The following FRMD6 variants were observed in gnomAD, a reference collection of about 807,000 sequenced individuals.
FRMD6 encodes FERM domain containing 6.
Under a neutral mutation model 73.2 loss-of-function variants are expected in FRMD6, and 37 were observed. That is an observed-to-expected ratio of 0.51 (90% CI 0.39 to 0.66). The LOEUF (loss-of-function observed/expected upper bound fraction) is 0.66. Among genes scored for constraint, FRMD6 ranks in the 30% least tolerant of loss-of-function variants. The pLI, the probability that FRMD6 is intolerant of heterozygous loss-of-function variation, is 0.00. For missense variants in FRMD6, 714 were observed against 780.5 expected, an observed-to-expected ratio of 0.91 and a Z score of 1.02; for synonymous variants, 273 against 282.2, an observed-to-expected ratio of 0.97 and a Z score of 0.33.
chr14:51,401,207 A>G, the FRMD6 span, among the ~76,000 whole-genome samples: 1 of 152,328 alleles, frequency 6.6e-6, no homozygotes, highest in Non-Finnish European at 1.5e-5. Context: ...ATCCTAAAAC[A>G]ATGACTTCAC....
intron 1 of FRMD6, among the ~76,000 whole-genome samples, chr14:51,659,899 A>T (rs1391586069): frequency 6.6e-6 from 1 of 152,218 alleles, no homozygotes; most frequent in Non-Finnish European, 1.5e-5. Flanking sequence ...AGAGTTTGAG[A>T]TTTTAAACCA....
the FRMD6 span, among the ~76,000 whole-genome samples, chr14:51,416,155 A>G: frequency 6.6e-5 from 10 of 152,052 alleles, no homozygotes; most frequent in Non-Finnish European, 4.4e-5. Flanking sequence ...TATCTCCTTC[A>G]GTTCTGCTCT....
At chr14:51,508,964 G>T (rs1321771891) in intron 1 of FRMD6, among the ~76,000 whole-genome samples, 1 of 152,112 alleles carries the variant, frequency 6.6e-6, no homozygotes, top group Admixed American at 6.5e-5. Flanking sequence ...GACTATGAAT[G>T]ACTGAGGCTT....
At chr14:51,437,328 A>C in the FRMD6 span, among the ~76,000 whole-genome samples, 1 of 152,130 alleles carries the variant, frequency 6.6e-6, no homozygotes, top group Non-Finnish European at 1.5e-5. Flanking sequence ...TTTGGGATGG[A>C]GTCTCGCTCT....
intron 2 of FRMD6, among the ~76,000 whole-genome samples, chr14:51,575,223 A>G (rs1432113033): frequency 6.6e-6 from 1 of 152,232 alleles, no homozygotes; most frequent in Non-Finnish European, 1.5e-5. Context: ...ATTTTAAAAT[A>G]TGGCTTACAT....
chr14:51,604,877 T>A (rs1182420577), intron 2 of FRMD6, among the ~76,000 whole-genome samples: 1 of 152,188 alleles, frequency 6.6e-6, no homozygotes, highest in African/African-American at 2.4e-5. Context: ...TCAATTTTAG[T>A]ATATGTGCTA....
At chr14:51,715,704 A>G (rs1052423049) in intron 10 of FRMD6, among the ~76,000 whole-genome samples, 1 of 152,188 alleles carries the variant, frequency 6.6e-6, no homozygotes, top group African/African-American at 2.4e-5. Context: ...ACTTATTCAG[A>G]ATATCTGAGG....
rs371077164 is a variant in FRMD6 at position 51,613,588 on chromosome 14, G to A, written c.-147+43178G>A. 1.3e-4 allele frequency among the ~76,000 whole-genome samples: 20 copies of A among 152,158 alleles called. No homozygotes were observed. In the East Asian group the frequency reaches 3.3e-3, roughly 25 times the overall value. On this transcript the variant is annotated intron_variant, in intron 2 of 14. Coordinates refer to the FRMD6 transcript ENST00000356218. ...ACCAGCAATGTTAGAGGTTTCCAAGGCAGCGCAACTCCAAATGTAATCCAA... is the reference window on the plus strand; with the variant it reads ...ACCAGCAATGTTAGAGGTTTCCAAGACAGCGCAACTCCAAATGTAATCCAA...
At chr14:51,413,680 A>G in the FRMD6 span, among the ~76,000 whole-genome samples, 126,809 of 152,240 alleles carry the variant, frequency 0.83, 53,351 homozygotes, top group African/African-American at 0.93. Flanking sequence ...ACCCAGTAAT[A>G]GGATTGCTGG....
chr14:51,535,824 G>T (rs1885851731), intron 1 of FRMD6, among the ~76,000 whole-genome samples: 1 of 151,918 alleles, frequency 6.6e-6, no homozygotes, highest in South Asian at 2.1e-4. Context: ...AGGTATGAGG[G>T]TTCCAATTTA....
the FRMD6 span, among the ~76,000 whole-genome samples, chr14:51,406,449 C>A: frequency 6.6e-6 from 1 of 152,066 alleles, no homozygotes; most frequent in Non-Finnish European, 1.5e-5. Context: ...TCTTCCTAGC[C>A]ATGAGCATGC....
At chr14:51,711,156 T>G (rs1043692213) in intron 7 of FRMD6, among the ~76,000 whole-genome samples, 3 of 146,340 alleles carry the variant, frequency 2.1e-5, no homozygotes. Context: ...AAAAGAGTAA[T>G]TATGAGATGG....
At chr14:51,455,948 G>A in the FRMD6 span, among the ~76,000 whole-genome samples, 16 of 152,224 alleles carry the variant, frequency 1.1e-4, no homozygotes, top group East Asian at 3.1e-3. Flanking sequence ...TTAGGAGAAG[G>A]TCTTGGACCT....
Position 51,677,535 on chromosome 14 carries a change from G to T in FRMD6, c.-146-12156G>T, listed in dbSNP as rs919803887. ...CGATGTCATGCTAGAAATTCATCTT[G>T]GTTGAAAGGAATTTTTGTGCCTGGT... On this transcript the variant is annotated intron_variant, in intron 1 of 13. Transcript: ENST00000344768. 4.0e-4 allele frequency among the ~76,000 whole-genome samples: 61 copies of T among 151,980 alleles called. 1 individual carries two copies. The highest frequency in any genetic ancestry group is 4.4e-5 in the Non-Finnish European group (3 of 67,984).
chr14:51,577,268 A>T (rs61969817), intron 2 of FRMD6, among the ~76,000 whole-genome samples: 15,720 of 151,622 alleles, frequency 0.1, 1,203 homozygotes, highest in Non-Finnish European at 0.15. Flanking sequence ...AACTACTCCA[A>T]TGGAAAAAAA....
intron 1 of FRMD6, among the ~76,000 whole-genome samples, chr14:51,544,091 C>T (rs1484739403): frequency 6.6e-6 from 1 of 152,014 alleles, no homozygotes; most frequent in Admixed American, 6.6e-5. Flanking sequence ...CTGATTGTCC[C>T]CCATAGCCCC....
chr14:51,439,878 C>T, the FRMD6 span, among the ~76,000 whole-genome samples: 105 of 152,238 alleles, frequency 6.9e-4, no homozygotes, highest in Middle Eastern at 3.4e-3. Flanking sequence ...GGAATATGCC[C>T]ACTGTCCAAT....
At chr14:51,562,627 G>A (rs916370813) in intron 1 of FRMD6, among the ~76,000 whole-genome samples, 4 of 152,132 alleles carry the variant, frequency 2.6e-5, no homozygotes, top group African/African-American at 9.7e-5. Flanking sequence ...TCTATACAGT[G>A]GCTAAATATC....
chr14:51,590,559 T>C (rs41339245), intron 2 of FRMD6, among the ~76,000 whole-genome samples: 12,376 of 152,248 alleles, frequency 0.081, 697 homozygotes, highest in African/African-American at 0.15. Flanking sequence ...GAGTACAGAC[T>C]GTGTGGCTTA....
Sources: allele counts gnomAD v4.1 joint callset (sites outside exome capture counted in the v4.1 genomes callset), GRCh38; gene constraint gnomAD v4.1.1; transcripts MANE v1.5; gene names NCBI Gene and HGNC (gene_info 2026-07-23, HGNC 2026-07-21).